The following MFSD1 variants were observed in gnomAD, a reference collection of about 807,000 sequenced individuals.
MFSD1 encodes the protein major facilitator superfamily domain containing 1.
In MFSD1, 59 loss-of-function variants were observed where a neutral mutation model predicts 67.1. That is an observed-to-expected ratio of 0.88 (90% CI 0.71 to 1.09). MFSD1 has a LOEUF of 1.09. Ranked by LOEUF, MFSD1 falls within the 50% of genes least tolerant of loss-of-function variation. The probability of loss-of-function intolerance (pLI) is 0.00; values close to 1 mark genes in which losing one functional copy is unlikely to be tolerated. For synonymous variants in MFSD1, 213 were observed against 200.3 expected, an observed-to-expected ratio of 1.06 and a Z score of -0.54; for missense variants, 552 against 566.1, an observed-to-expected ratio of 0.97 and a Z score of 0.25.
intron 11 of MFSD1, 154 bp from the exon 12 acceptor site, chr3:158,823,274 G>C (rs1353788809): frequency 1.6e-6 from 1 of 632,130 alleles, no homozygotes; most frequent in Non-Finnish European, 2.9e-6. Context: ...GACTTGTTTT[G>C]TATATTTTGA....
In MFSD1 at chr3:158,829,122, CAAAGTG is replaced by C. The variant is rs2108243252; in HGVS notation, c.*141_*146del. The C allele has an allele frequency of 5.7e-6, 4 of 697,578 alleles. No homozygotes were observed. The East Asian group carries it at 1.2e-4, about 22-fold the overall frequency. The allele number at this position is 697,578 out of a possible 1,614,324, so 43.2% of individuals were successfully genotyped here. A position where few individuals can be genotyped will look rare whatever the true frequency, so the allele number is the denominator to read the frequency against. On this transcript the variant is annotated 3_prime_UTR_variant, in exon 16 of 16. Transcript: ENST00000415822. Reference sequence around the variant, plus strand: ...TATTTATATCCAAATATACCTATTTCAAAGTGTATTTGTGAGGCCTGTTTTAGCCTG... The same window carrying C: ...TATTTATATCCAAATATACCTATTTCTATTTGTGAGGCCTGTTTTAGCCTG...
chr3:158,828,259 A>G (rs1731115968), intron 15 of MFSD1, among the ~76,000 whole-genome samples: 1 of 152,186 alleles, frequency 6.6e-6, no homozygotes, highest in Admixed American at 6.5e-5. Flanking sequence ...TAATATTTTT[A>G]GACATTGAAG....
rs560580832 is a variant in MFSD1, at chr3:158,811,673, A to C, written c.550-2292A>C. ...CCCAAGAAAAGAAATCAAGGTGGAG[A>C]GGATGTCAACTGCGTGAAATGCTAT... is the stretch of plus-strand genomic sequence containing the variant. On this transcript the variant is annotated intron_variant, in intron 6 of 15. Transcript: ENST00000415822. Among the ~76,000 whole-genome samples the C allele has an allele frequency of 2.6e-5, 4 of 152,330 alleles. No individual in the cohort carries two copies. The South Asian group carries it at 8.3e-4, about 32-fold the overall frequency.
chr3:158,824,373 C>T (rs563798500), intron 13 of MFSD1, 137 bp downstream of exon 13: 74 of 660,264 alleles, frequency 1.1e-4, no homozygotes, highest in Non-Finnish European at 1.7e-4. Flanking sequence ...CTTTCTAGCC[C>T]TCTGAAGATT....
intron 6 of MFSD1, among the ~76,000 whole-genome samples, chr3:158,812,759 CAG>C (rs1173579904): frequency 6.6e-5 from 10 of 152,182 alleles, no homozygotes; most frequent in Admixed American, 2.0e-4. Flanking sequence ...CCATCTCACA[CAG>C]AATAAAAACT....
chr3:158,819,626 C>CT (rs58055234), intron 7 of MFSD1, 23 bp from the exon 8 acceptor site: 515 of 1,121,118 alleles, frequency 4.6e-4, no homozygotes, highest in Non-Finnish European at 5.3e-4. Flanking sequence ...GTCTGTTTTT[C>CT]TTTTTTTTTT....
intron 6 of MFSD1, among the ~76,000 whole-genome samples, chr3:158,810,877 A>G (rs115119115): frequency 6.6e-6 from 1 of 152,162 alleles, no homozygotes; most frequent in Non-Finnish European, 1.5e-5. Context: ...GCCTATAAGG[A>G]TATTCCCAAA....
chr3:158,824,316 AGATTTG>A, intron 13 of MFSD1, 80 bp downstream of exon 13: 2 of 1,009,120 alleles, frequency 2.0e-6, no homozygotes, highest in Non-Finnish European at 3.0e-6. Flanking sequence ...CATAGCTCCC[AGATTTG>A]CCTAATTCTC....
intron 6 of MFSD1, among the ~76,000 whole-genome samples, chr3:158,809,901 G>A (rs1225921709): frequency 6.6e-6 from 1 of 152,140 alleles, no homozygotes; most frequent in Non-Finnish European, 1.5e-5. Context: ...TTACCATGGT[G>A]CTTATGCCTC....
chr3:158,825,286 A>C, intron 13 of MFSD1: 1 of 152,236 alleles, frequency 6.6e-6, no homozygotes, highest in Admixed American at 6.5e-5. Flanking sequence ...AGCCTCCGTG[A>C]TAGCTAAGAC....
Position 158,802,154 on chromosome 3 carries a change from TGGA to T in MFSD1, c.12_14del (p.Glu4?). 2 of 1,612,522 alleles carry T rather than the reference TGGA, an allele frequency of 1.2e-6. No individual in the cohort carries two copies. The highest frequency in any genetic ancestry group is 1.7e-6 in the Non-Finnish European group (2 of 1,179,648). On this transcript the variant is annotated start_lost and inframe_deletion, in exon 1 of 16. Coordinates refer to ENST00000415822, the MANE Select transcript of MFSD1 (RefSeq NM_022736.4). ...CCCTCTCCGTCTCCTGCGGGCGCAA[TGGA>T]GGAGGAGGATGAGGAAGCGCGGGCG...
intron 13 of MFSD1, among the ~76,000 whole-genome samples, chr3:158,824,712 G>A (rs1730867009): frequency 6.6e-6 from 1 of 152,110 alleles, no homozygotes; most frequent in Admixed American, 6.5e-5. Flanking sequence ...TTGTCCATAG[G>A]TAATCTTTAC....
intron 15 of MFSD1, 148 bp downstream of exon 15, chr3:158,827,485 G>T (rs180736778): frequency 9.0e-5 from 43 of 475,180 alleles, no homozygotes; most frequent in Non-Finnish European, 1.3e-4. Flanking sequence ...CATGGTCACA[G>T]CTCACTGAAG....
chr3:158,816,906 G>A (rs1216967957), intron 7 of MFSD1, among the ~76,000 whole-genome samples: 1 of 150,506 alleles, frequency 6.6e-6, no homozygotes, highest in African/African-American at 2.5e-5. Flanking sequence ...ATTAAATAGG[G>A]AATCCTTTCC....
intron 5 of MFSD1, among the ~76,000 whole-genome samples, chr3:158,808,713 G>A (rs557567056): frequency 6.6e-6 from 1 of 152,194 alleles, no homozygotes; most frequent in South Asian, 2.1e-4. Context: ...CGGACAAAGT[G>A]TAGCAAGGAC....
intron 14 of MFSD1, among the ~76,000 whole-genome samples, chr3:158,826,495 G>C (rs911995784): frequency 6.6e-6 from 1 of 151,754 alleles, no homozygotes; most frequent in Non-Finnish European, 1.5e-5. Context: ...AATTCGTACT[G>C]TATGCATTAG....
intron 1 of MFSD1, 75 bp downstream of exon 1, chr3:158,802,390 G>T: frequency 6.5e-7 from 1 of 1,547,274 alleles, no homozygotes; most frequent in East Asian, 2.3e-5. Flanking sequence ...TCGTCATCGT[G>T]GTCACTGGTG....
At chr3:158,805,246 G>A in intron 2 of MFSD1, 116 bp from the exon 3 acceptor site, 2 of 819,966 alleles carry the variant, frequency 2.4e-6, no homozygotes, top group Non-Finnish European at 4.2e-6. Flanking sequence ...AAAAAAACTT[G>A]CCCTTTACAG....
At chr3:158,805,526 A>G in intron 3 of MFSD1, 52 bp downstream of exon 3, 1 of 1,267,504 alleles carries the variant, frequency 7.9e-7, no homozygotes, top group Non-Finnish European at 1.2e-6. Context: ...TTAGAAAAAT[A>G]CAGAGCTAGA....
Sources: gnomAD v4.1 joint callset for allele counts (sites outside exome capture counted in the v4.1 genomes callset) on GRCh38, gnomAD v4.1.1 for gene constraint, MANE v1.5 for transcripts, NCBI Gene and HGNC (gene_info 2026-07-23, HGNC 2026-07-21) for gene names.